EIF5: variants seen among roughly 807,000 people sequenced by gnomAD.
The protein encoded by EIF5 is eukaryotic translation initiation factor 5.
A neutral mutation model predicts 48.3 loss-of-function variants in EIF5; 10 were observed. The ratio of observed to expected loss-of-function variants is 0.21; its 90% CI spans 0.13 to 0.35. The LOEUF is 0.35. Ranked by LOEUF, EIF5 falls within the 10% of genes least tolerant of loss-of-function variation. The pLI is 1.00. For synonymous variants in EIF5, 237 were observed against 173.1 expected, an observed-to-expected ratio of 1.37 and a Z score of -2.90; for missense variants, 397 against 533.2, an observed-to-expected ratio of 0.74 and a Z score of 2.51.
chr14:103,344,703 C>G lies in EIF5; in HGVS notation c.*3651C>G, dbSNP rs143546208. ...AACCTCTTTAAAAACGGTCAGTTAA[C>G]TAAAAAATAAAAATCAAGTCTTTAG... On this transcript the variant is annotated 3_prime_UTR_variant, in exon 12 of 12. Transcript: ENST00000216554. 1 of 151,988 alleles carries G rather than the reference C, an allele frequency of 6.6e-6. No individual in the cohort carries two copies. Among genetic ancestry groups the G allele is most frequent in the East Asian group, 1.9e-4 (1 of 5,166 alleles). The allele number at this position is 151,988 out of a possible 1,614,324, so 9.4% of individuals were successfully genotyped here. A position where few individuals can be genotyped will look rare whatever the true frequency, so the allele number is the denominator to read the frequency against.
rs1206575085 is a variant in EIF5, at chr14:103,344,656, C to T, written c.*3604C>T. The T allele has an allele frequency of 1.3e-5, 2 of 152,134 alleles. No individual in the cohort carries two copies. Among genetic ancestry groups the T allele is most frequent in the Non-Finnish European group, 2.9e-5 (2 of 68,028 alleles). 9.4% of individuals were successfully genotyped at this position (152,134 alleles called of 1,614,324 possible). A position where few individuals can be genotyped will look rare whatever the true frequency, so the allele number is the denominator to read the frequency against. ...GGCTGGGGCAGTAGGGGAAATTCCA[C>T]CCAATTTTGCTATGAGCCTAAAACC... is the stretch of plus-strand genomic sequence containing the variant. On this transcript the variant is annotated 3_prime_UTR_variant, in exon 12 of 12. Transcript: ENST00000216554.
Position 103,337,105 on chromosome 14 carries a change from T to A in EIF5, c.328-11T>A, listed in dbSNP as rs1476786712. The A allele has an allele frequency of 1.9e-6, 3 of 1,605,592 alleles. No individual in the cohort carries two copies. ...TTATATTATGGATAACATTTGTTAT[T>A]TTTTTGGCAGCATGTCAATCCAAAG... On this transcript the variant is annotated splice_polypyrimidine_tract_variant and intron_variant, in intron 5 of 11. Coordinates refer to ENST00000216554, the MANE Select transcript of EIF5 (RefSeq NM_001969.5).
Position 103,340,458 on chromosome 14 carries a change from C to T in EIF5, c.1103C>T (p.Ala368Val). The change falls in exon 11 of 12, where the codon GCC becomes GTC. Residue 368 changes from alanine to valine, a missense_variant. Coordinates refer to ENST00000216554, the MANE Select transcript of EIF5 (RefSeq NM_001969.5). The part of the protein sequence containing the change: ...ASKKYVSKEL[A>V]KEIRVKAEPF... ...AAGAAATATGTCTCCAAAGAACTTG[C>T]CAAAGAGATTCGTGTCAAAGCAGAA... 1 of 1,606,626 alleles carries T rather than the reference C, an allele frequency of 6.2e-7. No individual in the cohort carries two copies.
rs2089393634 is a variant in EIF5 at position 103,344,722 on chromosome 14, TC to T, written c.*3671del. 1.3e-5 allele frequency: 2 copies of T among 151,950 alleles called. No individual in the cohort carries two copies. Among genetic ancestry groups the T allele is most frequent in the Non-Finnish European group, 2.9e-5 (2 of 67,960 alleles). 9.4% of individuals were successfully genotyped at this position (151,950 alleles called of 1,614,324 possible). A position where few individuals can be genotyped will look rare whatever the true frequency, so the allele number is the denominator to read the frequency against. ...AGTTAACTAAAAAATAAAAATCAAGTCTTTAGGAGAGTAGAAAACACAATTA... is the reference window on the plus strand; with the variant it reads ...AGTTAACTAAAAAATAAAAATCAAGTTTTAGGAGAGTAGAAAACACAATTA... On this transcript the variant is annotated 3_prime_UTR_variant, in exon 12 of 12. Transcript: ENST00000216554.
At chr14:103,338,224 G>C (rs2089312434) in intron 6 of EIF5, 103 bp from the exon 7 acceptor site, 1 of 1,504,360 alleles carries the variant, frequency 6.6e-7, no homozygotes, top group Non-Finnish European at 8.9e-7. Flanking sequence ...GTTTTTCTGA[G>C]GGGATCCATA....
intron 11 of EIF5, 30 bp from the exon 12 acceptor site, chr14:103,340,933 T>C (rs145747784): frequency 8.8e-6 from 14 of 1,597,866 alleles, no homozygotes; most frequent in African/African-American, 2.7e-5. Flanking sequence ...TTTATCAGCT[T>C]ATGTTGAATA....
chr14:103,344,439 C>A lies in EIF5; in HGVS notation c.*3387C>A, dbSNP rs559841062. ...TAGGATCTGAGTTGACCCTGCAGTT[C>A]GGTTATGCAGTCAATTATTTCTTTT... On this transcript the variant is annotated 3_prime_UTR_variant, in exon 12 of 12. Transcript: ENST00000216554. 1 of 152,128 alleles carries A rather than the reference C, an allele frequency of 6.6e-6. No homozygotes were observed. The highest frequency in any genetic ancestry group is 1.5e-5 in the Non-Finnish European group (1 of 68,028). 9.4% of individuals were successfully genotyped at this position (152,128 alleles called of 1,614,324 possible). A position where few individuals can be genotyped will look rare whatever the true frequency, so the allele number is the denominator to read the frequency against.
rs914482866 is a variant in EIF5, at chr14:103,339,290, A to T, written c.863A>T (p.Lys288Met). ...CTAACTGAAGTTCTTTTTAATGAGA[A>T]GATTAGAGAACAGATTAAGAAATAC... ...LVLTEVLFNEKIREQIKKYRR... is the reference protein window; with the variant it reads ...LVLTEVLFNEMIREQIKKYRR... The change falls in exon 9 of 12, where the codon AAG (lysine) becomes ATG (methionine). Residue 288 changes from lysine to methionine, a missense_variant. Physicochemically the swap from Lys to Met is moderately conservative, Grantham distance 95. Around this residue, in one of 4 missense-constraint regions of EIF5, gnomAD observed 160 missense variants for 184.8 expected, o/e 0.87. Coordinates refer to ENST00000216554, the MANE Select transcript of EIF5 (RefSeq NM_001969.5). 10 of 1,609,278 alleles carry T rather than the reference A, an allele frequency of 6.2e-6. No homozygotes were observed. The highest frequency in any genetic ancestry group is 8.5e-6 in the Non-Finnish European group (10 of 1,178,904).
chr14:103,335,833 T>A lies in EIF5; in HGVS notation c.-28T>A. The A allele has an allele frequency of 1.2e-6, 2 of 1,613,220 alleles. No individual in the cohort carries two copies. Among genetic ancestry groups the A allele is most frequent in the Non-Finnish European group, 1.7e-6 (2 of 1,179,178 alleles). On this transcript the variant is annotated 5_prime_UTR_variant, in exon 3 of 12. Transcript: ENST00000216554. ...AGTTGCAATCAAAGATCTCTTCATC[T>A]TATTGATAAAGCCACTAATAAGCCA...
chr14:103,343,918 C>T lies in EIF5; in HGVS notation c.*2866C>T, dbSNP rs1018233903. The stretch of plus-strand genomic sequence containing the variant: ...GCTACAGCTTGACCTACCAGTATTC[C>T]GGAGTAACCAGCAAATGCAAAGTTG... On this transcript the variant is annotated 3_prime_UTR_variant, in exon 12 of 12. Transcript: ENST00000216554. 3 of 152,160 alleles carry T rather than the reference C, an allele frequency of 2.0e-5. No homozygotes were observed. The highest frequency in any genetic ancestry group is 4.4e-5 in the Non-Finnish European group (3 of 68,046). 9.4% of individuals were successfully genotyped at this position (152,160 alleles called of 1,614,324 possible). A position where few individuals can be genotyped will look rare whatever the true frequency, so the allele number is the denominator to read the frequency against.
At chr14:103,339,046 G>A (rs1436201178) in intron 8 of EIF5, 126 bp from the exon 9 acceptor site, 19 of 1,471,820 alleles carry the variant, frequency 1.3e-5, no homozygotes, top group Admixed American at 4.5e-5. Flanking sequence ...GTGATTCCAG[G>A]CACTATGTGT....
chr14:103,336,882 C>T (rs374275085), intron 5 of EIF5, 33 bp downstream of exon 5: 3 of 1,589,092 alleles, frequency 1.9e-6, no homozygotes, highest in African/African-American at 2.7e-5. Context: ...AAAGAAAAAG[C>T]CATATACCTG....
chr14:103,337,589 C>G (rs2089302476), intron 6 of EIF5: 1 of 331,994 alleles, frequency 3.0e-6, no homozygotes, highest in South Asian at 2.9e-5. Flanking sequence ...GCAACAGCGA[C>G]TCTGTCTCAA....
At chr14:103,337,017 A>G (rs997287390) in intron 5 of EIF5, 99 bp from the exon 6 acceptor site, 15 of 1,369,216 alleles carry the variant, frequency 1.1e-5, no homozygotes, top group Admixed American at 5.1e-5. Context: ...CTGTGTGAAA[A>G]AAGTTTTCTT....
In EIF5 at chr14:103,337,043, C is replaced by T. The variant is rs1016015998; in HGVS notation, c.328-73C>T. 20 of 1,422,864 alleles carry T rather than the reference C, an allele frequency of 1.4e-5. No homozygotes were observed. In the African/African-American group the frequency reaches 2.8e-4, roughly 20 times the overall value. The allele number at this position is 1,422,864 out of a possible 1,614,324, so 88.1% of individuals were successfully genotyped here. On this transcript the variant is annotated intron_variant, in intron 5 of 11. Transcript: ENST00000216554. ...AAGTTTTCTTTGCATGTGAAGCTGT[C>T]TGTGGTTTAGATGTCCTCTGATTAG... is the stretch of plus-strand genomic sequence containing the variant.
At position 103,340,375 on chromosome 14, in the gene EIF5, T is replaced by G. The variant is rs548096049; in HGVS notation, c.1072-52T>G. 1.8e-5 allele frequency: 28 copies of G among 1,575,674 alleles called. No individual in the cohort carries two copies. The Admixed American group carries it at 4.8e-4, about 27-fold the overall frequency. On this transcript the variant is annotated intron_variant, in intron 10 of 11. Transcript: ENST00000216554. ...TCAGTAAGGGGGATTGTATAAATAA[T>G]CAAAAGTTGTTAAAATTCCTCAACT...
In EIF5 at chr14:103,343,119, A is replaced by G. The variant is rs1462205872; in HGVS notation, c.*2067A>G. ...TCACTTTGCTCTATTGAACTGTCTT[A>G]AGGATTTGTTTAAACAGCTAAGTTA... On this transcript the variant is annotated 3_prime_UTR_variant, in exon 12 of 12. Transcript: ENST00000216554. The G allele has an allele frequency of 6.6e-6, 1 of 152,660 alleles. No homozygotes were observed. The highest frequency in any genetic ancestry group is 1.5e-5 in the Non-Finnish European group (1 of 68,042). The allele number at this position is 152,660 out of a possible 1,614,324, so 9.5% of individuals were successfully genotyped here. A position where few individuals can be genotyped will look rare whatever the true frequency, so the allele number is the denominator to read the frequency against.
Position 103,338,483 on chromosome 14 carries a change from G to A in EIF5, c.585+11G>A, listed in dbSNP as rs1028046929. ...CCTCCACATACAATGGTGAGTGCAG[G>A]GTTGATGGCCTAGTGGGCACTAAAG... On this transcript the variant is annotated intron_variant, in intron 7 of 11. Coordinates refer to ENST00000216554, the MANE Select transcript of EIF5 (RefSeq NM_001969.5). 6.4e-7 allele frequency: 1 copy of A among 1,559,230 alleles called. No homozygotes were observed.
At position 103,339,203 on chromosome 14, in the gene EIF5, C is replaced by A; in HGVS notation, c.776C>A (p.Ser259Tyr). ...KKKEEGVIDS[S>Y]DKEIVAEAER... ...AAAGAAGAGGGTGTTATTGATTCAT[C>A]TGACAAAGAAATCGTTGCTGAAGCA... The change falls in exon 9 of 12, where the codon TCT becomes TAT. Residue 259 changes from serine (S) to tyrosine (Y), a missense_variant. Transcript: ENST00000216554. 6.2e-7 allele frequency: 1 copy of A among 1,610,630 alleles called. No individual in the cohort carries two copies. The highest frequency in any genetic ancestry group is 1.3e-5 in the African/African-American group (1 of 74,678).
Sources: allele counts gnomAD v4.1 joint callset, GRCh38; gene constraint gnomAD v4.1.1; regional missense constraint gnomAD v4.1.1; transcripts MANE v1.5; gene names NCBI Gene and HGNC (gene_info 2026-07-23, HGNC 2026-07-21).